CSMD2: variants seen among roughly 807,000 people sequenced by gnomAD.
The protein encoded by CSMD2 is CUB and sushi domain-containing protein 2.
In CSMD2, 130 loss-of-function variants were observed where a neutral mutation model predicts 398.5. The ratio of observed to expected loss-of-function variants is 0.33; its 90% CI spans 0.28 to 0.38. The LOEUF is 0.38. Ranked by LOEUF, CSMD2 falls within the 10% of genes least tolerant of loss-of-function variation. The pLI is 1.00. For synonymous variants in CSMD2, 1,828 were observed against 1,908.5 expected, an observed-to-expected ratio of 0.96 and a Z score of 1.10; for missense variants, 3,829 against 4,764.9, an observed-to-expected ratio of 0.80 and a Z score of 5.78.
chr1:33,824,400 G>A (rs1034054998), intron 7 of CSMD2, among the ~76,000 whole-genome samples: 1 of 152,174 alleles, frequency 6.6e-6, no homozygotes, highest in East Asian at 1.9e-4. Context: ...TCCAGTCCCT[G>A]AGGGTGGTGA....
At chr1:34,083,444 T>A (rs573209469) in intron 2 of CSMD2, among the ~76,000 whole-genome samples, 3 of 152,370 alleles carry the variant, frequency 2.0e-5, no homozygotes, top group African/African-American at 7.2e-5. Context: ...AAAATTAGGT[T>A]CATTTTTCCT....
At chr1:33,934,833 GAAAAA>G (rs10552121) in intron 4 of CSMD2, among the ~76,000 whole-genome samples, 3 of 109,642 alleles carry the variant, frequency 2.7e-5, no homozygotes, top group Non-Finnish European at 3.7e-5. Context: ...CTGTCTCCAT[GAAAAA>G]AAAAAAAAAA....
intron 13 of CSMD2, among the ~76,000 whole-genome samples, chr1:33,749,873 C>T (rs971529255): frequency 5.9e-5 from 9 of 152,272 alleles, no homozygotes; most frequent in Non-Finnish European, 1.3e-4. Flanking sequence ...TGCTTCAAAA[C>T]TATAAACAAA....
chr1:33,704,167 A>G (rs936992939), intron 22 of CSMD2, among the ~76,000 whole-genome samples: 6 of 152,170 alleles, frequency 3.9e-5, no homozygotes, highest in Admixed American at 3.9e-4. Context: ...TCCTGATTGC[A>G]AGTTTTATTT....
In CSMD2 at chr1:33,624,470, C is replaced by G; in HGVS notation, c.5625+49G>C. 1.2e-6 allele frequency: 2 copies of G among 1,603,994 alleles called. No individual in the cohort carries two copies. Among genetic ancestry groups the G allele is most frequent in the South Asian group, 1.1e-5 (1 of 89,864 alleles). The stretch of plus-strand genomic sequence containing the variant: ...GTGGTTGTCACCTGTGAGCTGTTAC[C>G]TGGGAGCAGACGGCCACCTGCCCGA... On this transcript the variant is annotated intron_variant, in intron 35 of 70. Coordinates refer to ENST00000373381, the MANE Select transcript of CSMD2 (RefSeq NM_001281956.2). The surrounding 1 kb of genome is among the most constrained non-coding windows in gnomAD (Gnocchi z 4.7).
At chr1:34,000,563 T>C (rs959385978) in intron 3 of CSMD2, among the ~76,000 whole-genome samples, 7 of 152,142 alleles carry the variant, frequency 4.6e-5, no homozygotes, top group African/African-American at 1.7e-4. Flanking sequence ...TTCTGCACAC[T>C]ATTCTTTGGC....
Position 34,164,807 on chromosome 1 carries a change from G to C in CSMD2, c.187+104C>G, listed in dbSNP as rs908251639. On this transcript the variant is annotated intron_variant, in intron 1 of 70. Coordinates refer to ENST00000373381, the MANE Select transcript of CSMD2 (RefSeq NM_001281956.2). The surrounding 1 kb of genome is among the most constrained non-coding windows in gnomAD (Gnocchi z 6.2). ...TGGGAGGGTGGGAGATTCAGGCAGG[G>C]ATAGAGGCGGGGGGAGGGACTGGGA... 1.5e-4 allele frequency: 143 copies of C among 985,320 alleles called. No homozygotes were observed. Among genetic ancestry groups the C allele is most frequent in the Non-Finnish European group, 1.7e-4 (131 of 784,288 alleles). 61.0% of individuals were successfully genotyped at this position (985,320 alleles called of 1,614,324 possible).
intron 13 of CSMD2, among the ~76,000 whole-genome samples, chr1:33,753,414 G>A (rs898384010): frequency 5.9e-5 from 9 of 152,250 alleles, no homozygotes; most frequent in African/African-American, 2.2e-4. Flanking sequence ...TCTGGAGAGT[G>A]TAAGCTGCCA....
At chr1:33,548,974 G>T (rs1464171935) in intron 56 of CSMD2, among the ~76,000 whole-genome samples, 2 of 152,208 alleles carry the variant, frequency 1.3e-5, no homozygotes, top group African/African-American at 4.8e-5. Context: ...GGTGTTTAAT[G>T]AGATTAATAG....
At chr1:33,785,193 T>C (rs539146086) in intron 12 of CSMD2, among the ~76,000 whole-genome samples, 4 of 152,372 alleles carry the variant, frequency 2.6e-5, no homozygotes, top group Admixed American at 1.3e-4. Context: ...CAGCAAAATG[T>C]TGGTCACATA....
In CSMD2 at chr1:33,519,750, G is replaced by A; in HGVS notation, c.10736+62C>T. 1.2e-6 allele frequency: 2 copies of A among 1,612,654 alleles called. No individual in the cohort carries two copies. The highest frequency in any genetic ancestry group is 1.3e-5 in the African/African-American group (1 of 74,948). ...AGAGGCTTAGGGGTCTGGTGCGGGG[G>A]GCCCTGGAGGGAGAGAGGGAGGCCT... On this transcript the variant is annotated intron_variant, in intron 69 of 70. Transcript: ENST00000373381. This position sits in a 1 kb window ranked among gnomAD's most constrained non-coding sequence, Gnocchi z 5.6.
At chr1:34,081,139 G>C (rs1393593685) in intron 2 of CSMD2, among the ~76,000 whole-genome samples, 1 of 151,942 alleles carries the variant, frequency 6.6e-6, no homozygotes, top group East Asian at 1.9e-4. Context: ...ACACAAAAAT[G>C]ATTCATGAAT....
At chr1:33,734,071 C>T (rs1043827901) in intron 15 of CSMD2, among the ~76,000 whole-genome samples, 1 of 152,190 alleles carries the variant, frequency 6.6e-6, no homozygotes, top group Non-Finnish European at 1.5e-5. Flanking sequence ...GCTAGAAATG[C>T]AGTAACTACC....
At chr1:34,160,368 T>C (rs1571305798) in intron 1 of CSMD2, among the ~76,000 whole-genome samples, 1 of 152,200 alleles carries the variant, frequency 6.6e-6, no homozygotes, top group African/African-American at 2.4e-5. Flanking sequence ...TGAAACGCCT[T>C]TCCTTGGCTC....
At position 33,662,847 on chromosome 1, in the gene CSMD2, G is replaced by A. The variant is rs147629896; in HGVS notation, c.4255+43C>T. ...GGCCAGAGGAAGGTGGGTGCCATGT[G>A]TCAGGACATGTGGAGTGGGGCTGGC... On this transcript the variant is annotated intron_variant, in intron 26 of 70. Coordinates refer to ENST00000373381, the MANE Select transcript of CSMD2 (RefSeq NM_001281956.2). 6.4e-6 allele frequency: 10 copies of A among 1,574,150 alleles called. No homozygotes were observed. In the South Asian group the frequency reaches 8.9e-5, roughly 14 times the overall value.
chr1:33,820,171 C>T (rs545868154), intron 8 of CSMD2, among the ~76,000 whole-genome samples: 4 of 152,254 alleles, frequency 2.6e-5, no homozygotes, highest in East Asian at 1.9e-4. Context: ...TTATTGCAGG[C>T]GCGAGTTGCC....
chr1:33,604,854 G>C (rs1347725333), intron 42 of CSMD2, among the ~76,000 whole-genome samples: 2 of 152,158 alleles, frequency 1.3e-5, no homozygotes, highest in Non-Finnish European at 2.9e-5. Flanking sequence ...AAGATGAAGA[G>C]GGGAGCAAGA....
chr1:33,842,735 T>G (rs1038230027), intron 6 of CSMD2, among the ~76,000 whole-genome samples: 12 of 152,214 alleles, frequency 7.9e-5, no homozygotes, highest in African/African-American at 2.4e-4. Context: ...TCATGCAGTT[T>G]TCATGTGTCA....
chr1:33,793,127 G>A (rs1352805326), intron 10 of CSMD2, among the ~76,000 whole-genome samples: 1 of 152,156 alleles, frequency 6.6e-6, no homozygotes, highest in Non-Finnish European at 1.5e-5. Flanking sequence ...ATCTGCCCTC[G>A]CTAAGAAGGG....
Sources: gnomAD v4.1 joint callset for allele counts (sites outside exome capture counted in the v4.1 genomes callset) on GRCh38, gnomAD v4.1.1 for gene constraint, Gnocchi (gnomAD v3.1) non-coding constraint, MANE v1.5 for transcripts, NCBI Gene and HGNC (gene_info 2026-07-23, HGNC 2026-07-21) for gene names.